OCA2: variants seen among roughly 807,000 people sequenced by gnomAD.
OCA2 encodes P protein.
OCA2 carries 77 observed loss-of-function variants against 100.2 expected under a neutral mutation model. That is an observed-to-expected ratio of 0.77 (90% CI 0.64 to 0.93). The LOEUF (loss-of-function observed/expected upper bound fraction) is 0.93. Among genes scored for constraint, OCA2 ranks in the 40% least tolerant of loss-of-function variants. The probability of loss-of-function intolerance (pLI) is 0.00; values close to 1 mark genes in which losing one functional copy is unlikely to be tolerated. For synonymous variants in OCA2, 432 were observed against 439.2 expected (o/e 0.98, Z 0.21); for missense variants, 1,062 against 1,089.1 (o/e 0.98, Z 0.35).
chr15:27,883,852 C>A (rs771682501), intron 19 of OCA2, among the ~76,000 whole-genome samples: 2 of 152,136 alleles, frequency 1.3e-5, no homozygotes, highest in African/African-American at 4.8e-5. Flanking sequence ...TCATCAAAAT[C>A]TGACCTGAGC....
chr15:27,817,585 A>G (rs540962730), intron 23 of OCA2, among the ~76,000 whole-genome samples: 20 of 151,760 alleles, frequency 1.3e-4, no homozygotes, highest in African/African-American at 4.1e-4. Flanking sequence ...CCAATCGACC[A>G]CTCCAACTTT....
intron 6 of OCA2, among the ~76,000 whole-genome samples, chr15:28,020,446 T>G (rs1018393531): frequency 9.2e-5 from 14 of 151,508 alleles, no homozygotes; most frequent in African/African-American, 2.9e-4. Context: ...GGATCCAGCC[T>G]CCCCCTTCAG....
chr15:27,959,819 C>T (rs1185831785), intron 15 of OCA2, among the ~76,000 whole-genome samples: 2 of 152,142 alleles, frequency 1.3e-5, no homozygotes, highest in African/African-American at 2.4e-5. Flanking sequence ...ACCCATAAAA[C>T]CAAAAAGGAA....
intron 23 of OCA2, among the ~76,000 whole-genome samples, chr15:27,794,229 G>C (rs1215052433): frequency 6.6e-6 from 1 of 152,160 alleles, no homozygotes; most frequent in Non-Finnish European, 1.5e-5. Flanking sequence ...GCTGCTTTGA[G>C]TCCTGAGCTG....
intron 19 of OCA2, among the ~76,000 whole-genome samples, chr15:27,921,796 G>A (rs2038867882): frequency 6.6e-6 from 1 of 152,170 alleles, no homozygotes; most frequent in African/African-American, 2.4e-5. Context: ...AACCTCCCAG[G>A]AGCATAGTGC....
downstream of OCA2, among the ~76,000 whole-genome samples, chr15:27,753,266 T>G: frequency 7.0e-6 from 1 of 143,752 alleles, no homozygotes; most frequent in African/African-American, 2.6e-5. Context: ...ACCACAGAGA[T>G]GAAGGACCCT....
chr15:27,912,002 C>A (rs1429096020), intron 19 of OCA2, among the ~76,000 whole-genome samples: 1 of 152,082 alleles, frequency 6.6e-6, no homozygotes, highest in Non-Finnish European at 1.5e-5. Flanking sequence ...TATGAGTTAG[C>A]AATTCTGTAA....
At chr15:27,972,599 T>C (rs1192383440) in intron 14 of OCA2, among the ~76,000 whole-genome samples, 1 of 152,194 alleles carries the variant, frequency 6.6e-6, no homozygotes, top group Non-Finnish European at 1.5e-5. Context: ...TATTTCCTGA[T>C]GATTAGTGAT....
intron 22 of OCA2, among the ~76,000 whole-genome samples, chr15:27,849,096 C>G (rs1235727482): frequency 9.1e-6 from 1 of 109,894 alleles, no homozygotes; most frequent in Non-Finnish European, 1.9e-5. Context: ...AACACAGCCA[C>G]GTGCTGCCTG....
At chr15:28,019,683 G>T (rs1241888984) in intron 6 of OCA2, among the ~76,000 whole-genome samples, 13 of 152,122 alleles carry the variant, frequency 8.5e-5, no homozygotes, top group Admixed American at 7.9e-4. Flanking sequence ...AGGGCCGGGA[G>T]GAGGCCTCGA....
At chr15:28,019,689 C>T (rs1286768385) in intron 6 of OCA2, among the ~76,000 whole-genome samples, 1 of 152,128 alleles carries the variant, frequency 6.6e-6, no homozygotes, top group Non-Finnish European at 1.5e-5. Flanking sequence ...GGGAGGAGGC[C>T]TCGAGCTCCT....
intron 23 of OCA2, among the ~76,000 whole-genome samples, chr15:27,836,305 C>G (rs1429726246): frequency 2.0e-5 from 3 of 152,210 alleles, no homozygotes; most frequent in Admixed American, 2.0e-4. Flanking sequence ...CACGGAGGAT[C>G]AGCCTGCTTT....
At chr15:27,885,201 C>G (rs912215563) in intron 19 of OCA2, among the ~76,000 whole-genome samples, 3 of 152,120 alleles carry the variant, frequency 2.0e-5, no homozygotes, top group Non-Finnish European at 4.4e-5. Flanking sequence ...AGCAGGGAAG[C>G]CTGATTTAGG....
At chr15:27,990,876 AC>A (rs2041535469) in intron 9 of OCA2, among the ~76,000 whole-genome samples, 1 of 152,182 alleles carries the variant, frequency 6.6e-6, no homozygotes, top group African/African-American at 2.4e-5. Flanking sequence ...TAATTAGATG[AC>A]CCTGATAAAG....
intron 23 of OCA2, among the ~76,000 whole-genome samples, chr15:27,824,876 C>T (rs1375561428): frequency 6.6e-6 from 1 of 151,850 alleles, no homozygotes; most frequent in East Asian, 2.0e-4. Flanking sequence ...GTGAATTCAG[C>T]TTGGGGTTGC....
chr15:27,726,887 C>T, the OCA2 span, among the ~76,000 whole-genome samples: 26 of 152,192 alleles, frequency 1.7e-4, no homozygotes, highest in Non-Finnish European at 3.4e-4. Context: ...TGCAGGGGAA[C>T]CTGAATCTTA....
At chr15:27,933,977 T>C (rs777958356) in intron 18 of OCA2, among the ~76,000 whole-genome samples, 3 of 152,204 alleles carry the variant, frequency 2.0e-5, no homozygotes, top group Non-Finnish European at 4.4e-5. Flanking sequence ...GTATTTGATA[T>C]ATACATAACA....
At chr15:27,754,502 G>A (rs1235470796), downstream of OCA2, among the ~76,000 whole-genome samples, 21 of 152,180 alleles carry the variant, frequency 1.4e-4, no homozygotes, top group Admixed American at 1.4e-3. Context: ...TACTGATGAG[G>A]CAGAGCAGAG....
At chr15:27,738,990 G>A in the OCA2 span, among the ~76,000 whole-genome samples, 2 of 45,122 alleles carry the variant, frequency 4.4e-5, no homozygotes, top group African/African-American at 6.9e-5. Context: ...CTGCTCTACA[G>A]GTGGGACCCT....
Sources: allele counts gnomAD v4.1 joint callset (sites outside exome capture counted in the v4.1 genomes callset), GRCh38; gene constraint gnomAD v4.1.1; transcripts MANE v1.5; gene names NCBI Gene and HGNC (gene_info 2026-07-23, HGNC 2026-07-21).